The following NEGR1 variants were observed in gnomAD, a reference collection of about 807,000 sequenced individuals.
NEGR1 encodes the protein IgLON family member 4.
In NEGR1, 10 loss-of-function variants were observed where a neutral mutation model predicts 40.9. The ratio of observed to expected loss-of-function variants is 0.24; its 90% confidence interval spans 0.15 to 0.42. The LOEUF (loss-of-function observed/expected upper bound fraction) is 0.42, where lower values mean the gene tolerates loss of function less well. NEGR1 is among the 10% of genes least tolerant of loss of function. NEGR1 has a pLI of 1.00. For synonymous variants in NEGR1, 185 were observed against 166.8 expected (o/e 1.11, Z -0.84); for missense variants, 352 against 438.9 (o/e 0.80, Z 1.77).
At chr1:71,994,420 C>T (rs770917760) in intron 1 of NEGR1, among the ~76,000 whole-genome samples, 2 of 151,640 alleles carry the variant, frequency 1.3e-5, no homozygotes, top group South Asian at 4.2e-4. Context: ...ACCAGCTACT[C>T]GGGAGGCTGA....
At chr1:71,759,837 T>A (rs141158560) in intron 3 of NEGR1, among the ~76,000 whole-genome samples, 1 of 151,488 alleles carries the variant, frequency 6.6e-6, no homozygotes, top group African/African-American at 2.4e-5. Flanking sequence ...CTTGAACTCC[T>A]GGCCTCAATG....
chr1:71,464,761 C>T lies in NEGR1; in HGVS notation c.941-57191G>A, dbSNP rs866368383. Among the ~76,000 whole-genome samples the T allele has an allele frequency of 2.6e-5, 4 of 152,064 alleles. No individual in the cohort carries two copies. In the South Asian group the frequency reaches 6.2e-4, roughly 24 times the overall value. On this transcript the variant is annotated intron_variant, in intron 6 of 6. Coordinates refer to ENST00000357731, the MANE Select transcript of NEGR1 (RefSeq NM_173808.3). Reference sequence around the variant, plus strand: ...TAATTAAATATAACATGCTGCCTCACCCCTGTGTATGTTCTTGACTAGACA... The same window carrying T: ...TAATTAAATATAACATGCTGCCTCATCCCTGTGTATGTTCTTGACTAGACA...
intron 1 of NEGR1, among the ~76,000 whole-genome samples, chr1:72,154,965 T>A (rs1247818193): frequency 6.6e-6 from 1 of 151,958 alleles, no homozygotes; most frequent in Non-Finnish European, 1.5e-5. Context: ...CAATGATACA[T>A]ATTATAGAAA....
At chr1:71,585,094 G>C (rs1182973115) in intron 6 of NEGR1, among the ~76,000 whole-genome samples, 1 of 152,084 alleles carries the variant, frequency 6.6e-6, no homozygotes, top group Non-Finnish European at 1.5e-5. Flanking sequence ...ACTCACTACA[G>C]AGACAAGCAC....
At chr1:71,782,716 A>G (rs1303021817) in intron 2 of NEGR1, among the ~76,000 whole-genome samples, 1 of 152,156 alleles carries the variant, frequency 6.6e-6, no homozygotes, top group Non-Finnish European at 1.5e-5. Flanking sequence ...AAAATTTTAT[A>G]CCATTGCAAG....
At chr1:71,901,962 C>G (rs554210217) in intron 2 of NEGR1, among the ~76,000 whole-genome samples, 22 of 152,196 alleles carry the variant, frequency 1.4e-4, no homozygotes, top group Non-Finnish European at 3.2e-4. Flanking sequence ...AGCCACCACA[C>G]CTGGCCAAGA....
intron 6 of NEGR1, among the ~76,000 whole-genome samples, chr1:71,462,070 C>G (rs1459977042): frequency 6.6e-6 from 1 of 152,114 alleles, no homozygotes; most frequent in African/African-American, 2.4e-5. Flanking sequence ...AACCATTATT[C>G]TTTTAAACTA....
chr1:71,839,198 CTTT>C (rs140520810), intron 2 of NEGR1, among the ~76,000 whole-genome samples: 2,051 of 80,014 alleles, frequency 0.026, 30 homozygotes, highest in South Asian at 0.045. Flanking sequence ...AGAGACCAGA[CTTT>C]TTTTTTTTTT....
intron 4 of NEGR1, among the ~76,000 whole-genome samples, chr1:71,667,550 G>T (rs549350841): frequency 6.6e-6 from 1 of 152,228 alleles, no homozygotes; most frequent in African/African-American, 2.4e-5. Context: ...TGTGTAAATG[G>T]GGGAAAATGT....
At chr1:71,797,255 C>T (rs939262445) in intron 2 of NEGR1, among the ~76,000 whole-genome samples, 1 of 152,124 alleles carries the variant, frequency 6.6e-6, no homozygotes, top group Non-Finnish European at 1.5e-5. Flanking sequence ...GAAGAAAAAT[C>T]TGAGACCAAA....
At chr1:71,660,970 G>A (rs1652035652) in intron 4 of NEGR1, among the ~76,000 whole-genome samples, 1 of 152,078 alleles carries the variant, frequency 6.6e-6, no homozygotes, top group African/African-American at 2.4e-5. Flanking sequence ...CTGTTCCTGT[G>A]TTAGTTTGCT....
intron 6 of NEGR1, among the ~76,000 whole-genome samples, chr1:71,417,407 G>A (rs1224753967): frequency 6.6e-6 from 1 of 152,158 alleles, no homozygotes; most frequent in African/African-American, 2.4e-5. Flanking sequence ...TATCAATCAA[G>A]AATTCAGGAC....
chr1:72,218,615 G>GT lies in NEGR1; in HGVS notation c.176+63703dup, dbSNP rs200876296. 1.1e-3 allele frequency among the ~76,000 whole-genome samples: 167 copies of GT among 150,670 alleles called. 4 individuals are homozygous for GT. The East Asian group carries it at 0.021, about 19-fold the overall frequency. On this transcript the variant is annotated intron_variant, in intron 1 of 6. Coordinates refer to ENST00000357731, the MANE Select transcript of NEGR1 (RefSeq NM_173808.3). ...TATGTTTCTTGAGTTATAGGGAGTT[G>GT]TTTTTTTTTCCTATGAGACGATATA...
intron 6 of NEGR1, among the ~76,000 whole-genome samples, chr1:71,438,305 A>C (rs963872284): frequency 2.6e-5 from 4 of 152,242 alleles, no homozygotes; most frequent in African/African-American, 9.6e-5. Context: ...GAAAAAGTAC[A>C]TTGGTACTTA....
At chr1:72,127,490 A>AAAAG (rs1650073406) in intron 1 of NEGR1, among the ~76,000 whole-genome samples, 4 of 147,376 alleles carry the variant, frequency 2.7e-5, no homozygotes, top group African/African-American at 7.5e-5. Flanking sequence ...AAAAAAAAAA[A>AAAAG]GGGAGAATTG....
At chr1:71,915,621 G>C (rs1435528141) in intron 2 of NEGR1, among the ~76,000 whole-genome samples, 1 of 151,960 alleles carries the variant, frequency 6.6e-6, no homozygotes, top group African/African-American at 2.4e-5. Flanking sequence ...ATAGACTAAG[G>C]GTCTCAAACT....
At chr1:72,233,531 TA>T (rs1189149904) in intron 1 of NEGR1, among the ~76,000 whole-genome samples, 1 of 152,006 alleles carries the variant, frequency 6.6e-6, no homozygotes, top group African/African-American at 2.4e-5. Flanking sequence ...TGCTTATAAG[TA>T]AAAAAATGTG....
intron 1 of NEGR1, among the ~76,000 whole-genome samples, chr1:72,010,256 A>G (rs1006787873): frequency 6.6e-6 from 1 of 152,112 alleles, no homozygotes; most frequent in Non-Finnish European, 1.5e-5. Flanking sequence ...TGGTTGCCAC[A>G]TCTCATGACT....
At chr1:72,137,141 C>A (rs1054927620) in intron 1 of NEGR1, among the ~76,000 whole-genome samples, 1 of 152,068 alleles carries the variant, frequency 6.6e-6, no homozygotes, top group African/African-American at 2.4e-5. Flanking sequence ...CTTTTACACT[C>A]ATTATGGGAG....
Sources: allele counts gnomAD v4.1 joint callset (sites outside exome capture counted in the v4.1 genomes callset), GRCh38; gene constraint gnomAD v4.1.1; transcripts MANE v1.5; gene names NCBI Gene and HGNC (gene_info 2026-07-23, HGNC 2026-07-21).